The following LEMD1 variants were observed in gnomAD, a reference collection of about 807,000 sequenced individuals.
The protein encoded by LEMD1 is LEM domain containing 1.
LEMD1 carries 18 observed loss-of-function variants against 17.4 expected under a neutral mutation model. The observed-to-expected ratio is 1.04, with a 90% CI of 0.72 to 1.54. The LOEUF (loss-of-function observed/expected upper bound fraction) is 1.54, where lower values mean the gene tolerates loss of function less well. Ranked by LOEUF, LEMD1 falls within the 40% of genes most tolerant of loss-of-function variation. The pLI, the probability that LEMD1 is intolerant of heterozygous loss-of-function variation, is 0.00. For missense variants in LEMD1, 195 were observed against 210.4 expected (o/e 0.93, Z 0.45); for synonymous variants, 88 against 77.8 (o/e 1.13, Z -0.69).
At chr1:205,418,289 G>A (rs1665790592) in intron 3 of LEMD1, among the ~76,000 whole-genome samples, 2 of 152,266 alleles carry the variant, frequency 1.3e-5, no homozygotes, top group South Asian at 4.1e-4. Flanking sequence ...GAAATGCCTT[G>A]GAATGTATTG....
At chr1:205,399,338 A>G (rs1019994825) in intron 4 of LEMD1, among the ~76,000 whole-genome samples, 3 of 152,240 alleles carry the variant, frequency 2.0e-5, no homozygotes, top group African/African-American at 7.2e-5. Flanking sequence ...GATTAGAAAG[A>G]ACATTGGGTT....
intron 4 of LEMD1, 102 bp downstream of exon 4, chr1:205,416,130 A>C (rs1665683383): frequency 1.4e-6 from 1 of 690,634 alleles, no homozygotes. Context: ...ACTATAACAG[A>C]ATGTAGTGAC....
At position 205,387,206 on chromosome 1, in the gene LEMD1, T is replaced by C. The variant is rs545441604; in HGVS notation, c.271-2842A>G. The C allele has an allele frequency of 1.4e-3, 215 of 152,250 alleles. 1 individual carries two copies. Among genetic ancestry groups the C allele is most frequent in the African/African-American group, 4.8e-3 (200 of 41,540 alleles). 9.4% of individuals were successfully genotyped at this position (152,250 alleles called of 1,614,324 possible). A position where few individuals can be genotyped will look rare whatever the true frequency, so the allele number is the denominator to read the frequency against. On this transcript the variant is annotated intron_variant, in intron 4 of 5. Coordinates refer to ENST00000367153, the MANE Select transcript of LEMD1 (RefSeq NM_001199050.2). ...GAGTTCTCCTGCAGTATGTAGAAGG[T>C]GGACATTGTCATTTTCAAAAATGGA...
intron 4 of LEMD1, among the ~76,000 whole-genome samples, chr1:205,410,902 G>A (rs1470089773): frequency 6.8e-6 from 1 of 146,898 alleles, no homozygotes; most frequent in Admixed American, 7.1e-5. Context: ...AGCAAAGGAA[G>A]GAAGGAAGGA....
intron 4 of LEMD1, among the ~76,000 whole-genome samples, chr1:205,414,066 A>G (rs1665581252): frequency 6.6e-6 from 1 of 152,168 alleles, no homozygotes; most frequent in Admixed American, 6.5e-5. Flanking sequence ...AGACAGTGTG[A>G]GAGGTGCAGA....
At chr1:205,431,328 G>A (rs904477952) in intron 1 of LEMD1, among the ~76,000 whole-genome samples, 2 of 152,200 alleles carry the variant, frequency 1.3e-5, no homozygotes, top group Non-Finnish European at 2.9e-5. Context: ...GCACACTTGC[G>A]ATTCCTAATT....
chr1:205,434,490 T>C (rs2102456527), intron 1 of LEMD1, among the ~76,000 whole-genome samples: 1 of 152,062 alleles, frequency 6.6e-6, no homozygotes, highest in East Asian at 1.9e-4. Context: ...GCTCTTTCTC[T>C]TTCTTAAAAG....
In LEMD1 at chr1:205,384,272, TA is replaced by T. The variant is rs1663878623; in HGVS notation, c.347+15del. On this transcript the variant is annotated intron_variant, in intron 5 of 5. Coordinates refer to ENST00000367153, the MANE Select transcript of LEMD1 (RefSeq NM_001199050.2). The stretch of plus-strand genomic sequence containing the variant: ...CAATAATATCAATTTCCACATATGC[TA>T]AAAAACATCATTACCTTCTTCCCTT... The T allele has an allele frequency of 2.1e-6, 3 of 1,437,222 alleles. No homozygotes were observed. The highest frequency in any genetic ancestry group is 1.4e-5 in the South Asian group (1 of 71,656). 89.0% of individuals were successfully genotyped at this position (1,437,222 alleles called of 1,614,324 possible).
intron 4 of LEMD1, among the ~76,000 whole-genome samples, chr1:205,392,907 A>G (rs570285304): frequency 6.6e-6 from 1 of 152,356 alleles, no homozygotes; most frequent in Admixed American, 6.5e-5. Context: ...GCCAAGACAC[A>G]TCATAATCAA....
At chr1:205,438,047 A>T (rs1666236524) in intron 1 of LEMD1, among the ~76,000 whole-genome samples, 1 of 152,210 alleles carries the variant, frequency 6.6e-6, no homozygotes, top group South Asian at 2.1e-4. Flanking sequence ...TCAACCTGAG[A>T]CAAGAAGCCC....
At chr1:205,404,998 ATTCTT>A (rs1247026865) in intron 4 of LEMD1, among the ~76,000 whole-genome samples, 9 of 152,106 alleles carry the variant, frequency 5.9e-5, no homozygotes, top group African/African-American at 2.2e-4. Context: ...TGGGTTGAAA[ATTCTT>A]TTCTTTAAGA....
rs1324622468 is a variant in LEMD1 at position 205,420,445 on chromosome 1, C to A, written c.82+10G>T. ...ACAAGTCTGTAATATTTGCTGCATACTGTACATACGTAGTATTGGGCCAGG... is the reference window on the plus strand; with the variant it reads ...ACAAGTCTGTAATATTTGCTGCATAATGTACATACGTAGTATTGGGCCAGG... On this transcript the variant is annotated intron_variant, in intron 2 of 5. Transcript: ENST00000367153. 6.2e-7 allele frequency: 1 copy of A among 1,605,126 alleles called. No individual in the cohort carries two copies. Among genetic ancestry groups the A allele is most frequent in the African/African-American group, 1.3e-5 (1 of 74,786 alleles).
Position 205,381,774 on chromosome 1 carries a change from T to G in LEMD1, c.430A>C (p.Ile144Leu). ...ERDYCAEDQT[I>L]ESWREEGFPV... Reference sequence around the variant, plus strand: ...AAACCTTCTTCTCTCCAGCTCTCGATAGTCTGGTCTTCCGCGCAGTAGTCT... The same window carrying G: ...AAACCTTCTTCTCTCCAGCTCTCGAGAGTCTGGTCTTCCGCGCAGTAGTCT... Residue 144 changes from isoleucine to leucine, a missense_variant, in exon 6 of 6, where the codon ATC (isoleucine) becomes CTC (leucine). By Grantham distance (5) the Ile-to-Leu change is conservative. Coordinates refer to ENST00000367153, the MANE Select transcript of LEMD1 (RefSeq NM_001199050.2). 6.2e-7 allele frequency: 1 copy of G among 1,614,192 alleles called. No homozygotes were observed. Among genetic ancestry groups the G allele is most frequent in the Non-Finnish European group, 8.5e-7 (1 of 1,180,006 alleles).
chr1:205,396,577 T>C (rs141751445), intron 4 of LEMD1, among the ~76,000 whole-genome samples: 15 of 148,606 alleles, frequency 1.0e-4, no homozygotes, highest in Admixed American at 1.0e-3. Flanking sequence ...TGAATAAAAA[T>C]ACTTCTCCAA....
intron 4 of LEMD1, among the ~76,000 whole-genome samples, chr1:205,394,767 T>A (rs1664509224): frequency 6.6e-6 from 1 of 151,964 alleles, no homozygotes; most frequent in Admixed American, 6.6e-5. Context: ...GACAGGCAGA[T>A]CACGAGGTCA....
chr1:205,433,593 G>T (rs989183587), intron 1 of LEMD1, among the ~76,000 whole-genome samples: 95 of 152,186 alleles, frequency 6.2e-4, no homozygotes, highest in Non-Finnish European at 1.3e-3. Flanking sequence ...AACAGATTCA[G>T]TCAACAGCAG....
chr1:205,406,583 G>A (rs1311328457), intron 4 of LEMD1, among the ~76,000 whole-genome samples: 2 of 152,188 alleles, frequency 1.3e-5, no homozygotes, highest in Admixed American at 6.5e-5. Flanking sequence ...GAGTGGGAGT[G>A]GCCCGATTTT....
chr1:205,386,317 T>TG (rs1664016451), intron 4 of LEMD1: 1 of 151,940 alleles, frequency 6.6e-6, no homozygotes, highest in Non-Finnish European at 1.4e-5. Flanking sequence ...TTCTTTTTTT[T>TG]TTTTGAGATG....
At chr1:205,436,314 T>G (rs1028834376) in intron 1 of LEMD1, 2 of 152,152 alleles carry the variant, frequency 1.3e-5, no homozygotes, top group Admixed American at 6.5e-5. Flanking sequence ...TATGACGACT[T>G]CCTCCAGGGA....
Sources: gnomAD v4.1 joint callset for allele counts (sites outside exome capture counted in the v4.1 genomes callset) on GRCh38, gnomAD v4.1.1 for gene constraint, MANE v1.5 for transcripts, NCBI Gene and HGNC (gene_info 2026-07-23, HGNC 2026-07-21) for gene names.